EEIG2: variants seen among roughly 807,000 people sequenced by gnomAD.
The protein encoded by EEIG2 is family with sequence similarity 102 member B.
chr1:108,616,332 A>G, the EEIG2 span: 1 of 1,188,830 alleles, frequency 8.4e-7, no homozygotes, highest in Non-Finnish European at 1.2e-6. Flanking sequence ...GCTGTGAAGG[A>G]AGCATTTTAT....
the EEIG2 span, among the ~76,000 whole-genome samples, chr1:108,614,736 G>A: frequency 6.6e-6 from 1 of 152,016 alleles, no homozygotes; most frequent in Non-Finnish European, 1.5e-5. Flanking sequence ...TCTCTACCTC[G>A]AATGAATCAT....
the EEIG2 span, among the ~76,000 whole-genome samples, chr1:108,613,621 T>A: frequency 1.3e-5 from 2 of 152,166 alleles, no homozygotes; most frequent in African/African-American, 4.8e-5. Flanking sequence ...AAAATACTCT[T>A]TGAAGATCAT....
chr1:108,608,208 T>C, the EEIG2 span, among the ~76,000 whole-genome samples: 3 of 152,296 alleles, frequency 2.0e-5, no homozygotes, highest in East Asian at 5.8e-4. Context: ...ATGCTTATAT[T>C]TCTCCCTCCT....
the EEIG2 span, chr1:108,628,779 C>T: frequency 8.1e-6 from 13 of 1,612,628 alleles, no homozygotes; most frequent in South Asian, 1.1e-5. Context: ...AAAGTCAAGA[C>T]TTCAGCCTAG....
the EEIG2 span, chr1:108,636,999 T>C: frequency 6.6e-6 from 1 of 152,304 alleles, no homozygotes; most frequent in African/African-American, 2.4e-5. Flanking sequence ...TAAAACTAGA[T>C]TGTAAGTGGG....
chr1:108,627,609 T>C, the EEIG2 span: 2 of 152,548 alleles, frequency 1.3e-5, no homozygotes, highest in East Asian at 3.8e-4. Context: ...TAAGAACTTT[T>C]ACTCTCAGTG....
chr1:108,560,749 C>T, the EEIG2 span, among the ~76,000 whole-genome samples: 1 of 152,044 alleles, frequency 6.6e-6, no homozygotes, highest in African/African-American at 2.4e-5. Context: ...TTCCTGCGCT[C>T]CTGACTCCAG....
chr1:108,597,539 A>G, the EEIG2 span, among the ~76,000 whole-genome samples: 5 of 152,286 alleles, frequency 3.3e-5, no homozygotes, highest in South Asian at 8.3e-4. Context: ...TTTTTGATCA[A>G]TCCTCTGCTG....
the EEIG2 span, among the ~76,000 whole-genome samples, chr1:108,634,027 A>G: frequency 6.6e-6 from 1 of 152,282 alleles, no homozygotes; most frequent in South Asian, 2.1e-4. Context: ...TCTTGGGACC[A>G]CAGTCCTGCA....
the EEIG2 span, chr1:108,625,663 C>T: frequency 6.6e-6 from 1 of 152,088 alleles, no homozygotes. Flanking sequence ...GCCCTACATC[C>T]TTCTCTATCT....
the EEIG2 span, among the ~76,000 whole-genome samples, chr1:108,614,527 A>C: frequency 1.3e-5 from 2 of 152,154 alleles, no homozygotes; most frequent in Admixed American, 1.3e-4. Context: ...TTGAGAAAAC[A>C]GAAGCCATTA....
At chr1:108,605,296 C>T in the EEIG2 span, among the ~76,000 whole-genome samples, 2 of 152,180 alleles carry the variant, frequency 1.3e-5, no homozygotes, top group African/African-American at 4.8e-5. Flanking sequence ...AATGTGATCA[C>T]TCATAATGGG....
the EEIG2 span, among the ~76,000 whole-genome samples, chr1:108,604,739 T>G: frequency 6.6e-6 from 1 of 151,710 alleles, no homozygotes; most frequent in African/African-American, 2.4e-5. Flanking sequence ...TGAAGAGCTA[T>G]TATAAAGGGC....
At chr1:108,632,436 G>T in the EEIG2 span, among the ~76,000 whole-genome samples, 132 of 152,286 alleles carry the variant, frequency 8.7e-4, no homozygotes, top group Non-Finnish European at 1.3e-3. Context: ...TTGCAGGGAA[G>T]TGACCTATCA....
the EEIG2 span, among the ~76,000 whole-genome samples, chr1:108,622,927 A>G: frequency 2.0e-5 from 3 of 152,114 alleles, no homozygotes; most frequent in African/African-American, 4.8e-5. Flanking sequence ...TTCCTCTGCA[A>G]TATCAGCCTC....
chr1:108,591,119 A>G, the EEIG2 span, among the ~76,000 whole-genome samples: 1 of 152,236 alleles, frequency 6.6e-6, no homozygotes, highest in Non-Finnish European at 1.5e-5. Flanking sequence ...TAAAAGTCAT[A>G]GGAAATTAAT....
chr1:108,602,342 G>T, the EEIG2 span, among the ~76,000 whole-genome samples: 2 of 152,086 alleles, frequency 1.3e-5, no homozygotes, highest in Non-Finnish European at 2.9e-5. Context: ...GTGTCAGCAG[G>T]GCCATGCTCC....
the EEIG2 span, chr1:108,635,317 C>G: frequency 2.7e-6 from 2 of 744,718 alleles, no homozygotes; most frequent in South Asian, 3.6e-5. Context: ...TACCAGCCAC[C>G]AAAGGGGAAC....
the EEIG2 span, among the ~76,000 whole-genome samples, chr1:108,620,846 C>T: frequency 6.6e-6 from 1 of 152,198 alleles, no homozygotes. Context: ...CCAGCCCCTG[C>T]TCTGAAGGGA....
Sources: allele counts gnomAD v4.1 joint callset (sites outside exome capture counted in the v4.1 genomes callset), GRCh38; gene constraint gnomAD v4.1.1; transcripts MANE v1.5; gene names NCBI Gene and HGNC (gene_info 2026-07-23, HGNC 2026-07-21).